KLHL24: variants seen among roughly 807,000 people sequenced by gnomAD.
KLHL24 encodes kelch like family member 24.
Under a neutral mutation model 53.4 loss-of-function variants are expected in KLHL24, and 29 were observed. That is an observed-to-expected ratio of 0.54 (90% CI 0.40 to 0.74). The LOEUF (loss-of-function observed/expected upper bound fraction) is 0.74. Among genes scored for constraint, KLHL24 ranks in the 30% least tolerant of loss-of-function variants. The probability of loss-of-function intolerance (pLI) is 0.00; values close to 1 mark genes in which losing one functional copy is unlikely to be tolerated. For synonymous variants in KLHL24, 222 were observed against 253.7 expected, an observed-to-expected ratio of 0.88 and a Z score of 1.19; for missense variants, 504 against 744.0, an observed-to-expected ratio of 0.68 and a Z score of 3.75.
chr3:183,656,037 CTTTTTTTTT>C (rs760140064), intron 3 of KLHL24, among the ~76,000 whole-genome samples: 7 of 90,886 alleles, frequency 7.7e-5, no homozygotes, highest in East Asian at 7.9e-4. Flanking sequence ...CCCTTAGCAT[CTTTTTTTTT>C]TTTTTTTTTT....
intron 1 of KLHL24, among the ~76,000 whole-genome samples, chr3:183,638,323 G>A (rs1454632437): frequency 6.6e-6 from 1 of 152,152 alleles, no homozygotes; most frequent in Non-Finnish European, 1.5e-5. Flanking sequence ...CCAAGTTGTT[G>A]AACCTTAATG....
At chr3:183,653,396 G>A (rs1718402488) in intron 3 of KLHL24, among the ~76,000 whole-genome samples, 1 of 152,120 alleles carries the variant, frequency 6.6e-6, no homozygotes, top group Non-Finnish European at 1.5e-5. Flanking sequence ...TTATTTAGGT[G>A]GCCACCAACT....
chr3:183,672,527 G>A (rs772315203), intron 7 of KLHL24, 43 bp downstream of exon 7: 2 of 1,346,356 alleles, frequency 1.5e-6, no homozygotes, highest in South Asian at 1.4e-5. Context: ...AATCTAAGAG[G>A]GACCAAGTAC....
In KLHL24 at chr3:183,635,693, C is replaced by G. The variant is rs969585127; in HGVS notation, c.-225C>G. On this transcript the variant is annotated 5_prime_UTR_variant, in exon 1 of 8. Coordinates refer to ENST00000242810, the MANE Select transcript of KLHL24 (RefSeq NM_017644.3). ...CTGGAGAGTGCGCTGCGCCGCCCGC[C>G]GCTGAGGGACCGCGGGGTTAGCCAC... is the stretch of plus-strand genomic sequence containing the variant. The G allele has an allele frequency of 1.1e-4, 17 of 152,910 alleles. No individual in the cohort carries two copies. Among genetic ancestry groups the G allele is most frequent in the African/African-American group, 4.1e-4 (17 of 41,552 alleles). The allele number at this position is 152,910 out of a possible 1,614,324, so 9.5% of individuals were successfully genotyped here.
At chr3:183,670,238 C>T (rs1412958001) in intron 5 of KLHL24, among the ~76,000 whole-genome samples, 1 of 152,040 alleles carries the variant, frequency 6.6e-6, no homozygotes, top group Non-Finnish European at 1.5e-5. Context: ...GCACTCCAGC[C>T]TGAGCAACAG....
chr3:183,645,486 A>T (rs1717096897), intron 2 of KLHL24, among the ~76,000 whole-genome samples: 1 of 152,254 alleles, frequency 6.6e-6, no homozygotes, highest in Non-Finnish European at 1.5e-5. Context: ...AGACATCCAC[A>T]CAAATATATG....
intron 7 of KLHL24, chr3:183,672,735 C>G (rs920523308): frequency 1.5e-5 from 3 of 203,486 alleles, no homozygotes; most frequent in Non-Finnish European, 3.0e-5. Flanking sequence ...TGGTTCATGC[C>G]TGTAATCCCA....
chr3:183,645,423 AT>A (rs1717079316), intron 2 of KLHL24, among the ~76,000 whole-genome samples: 2 of 152,220 alleles, frequency 1.3e-5, no homozygotes, highest in Non-Finnish European at 2.9e-5. Flanking sequence ...AAGTCATTCT[AT>A]GCATTGTAAA....
chr3:183,654,140 T>A (rs1308042083), intron 3 of KLHL24, among the ~76,000 whole-genome samples: 2 of 152,196 alleles, frequency 1.3e-5, no homozygotes, highest in Admixed American at 6.5e-5. Context: ...TCGGTCTTTA[T>A]CCAGCTTGAG....
At chr3:183,668,534 A>G (rs1720888680) in intron 5 of KLHL24, among the ~76,000 whole-genome samples, 2 of 152,214 alleles carry the variant, frequency 1.3e-5, no homozygotes. Flanking sequence ...GAAACCTGGG[A>G]TGGTTTAGAA....
intron 2 of KLHL24, chr3:183,643,985 C>T (rs1328799966): frequency 6.7e-6 from 1 of 149,156 alleles, no homozygotes; most frequent in Non-Finnish European, 1.5e-5. Context: ...CAATCTTGAA[C>T]CTATATTAGT....
chr3:183,639,416 G>A (rs1715940539), intron 1 of KLHL24, among the ~76,000 whole-genome samples: 1 of 151,870 alleles, frequency 6.6e-6, no homozygotes, highest in South Asian at 2.1e-4. Flanking sequence ...AGATCACAAG[G>A]TCAGGAGATC....
intron 5 of KLHL24, among the ~76,000 whole-genome samples, chr3:183,668,847 G>C (rs1576963061): frequency 6.6e-6 from 1 of 152,192 alleles, no homozygotes; most frequent in East Asian, 1.9e-4. Flanking sequence ...AGAGGCTGCA[G>C]TGAGCTGCCT....
At chr3:183,658,459 TAATC>T (rs1180896320) in intron 3 of KLHL24, among the ~76,000 whole-genome samples, 1 of 152,214 alleles carries the variant, frequency 6.6e-6, no homozygotes, top group Non-Finnish European at 1.5e-5. Flanking sequence ...TTATTTTATT[TAATC>T]AATCTCTTTA....
rs1233865486 is a variant in KLHL24, at chr3:183,663,759, T to G, written c.1105+117T>G. On this transcript the variant is annotated intron_variant, in intron 4 of 7. Coordinates refer to ENST00000242810, the MANE Select transcript of KLHL24 (RefSeq NM_017644.3). This position sits in a 1 kb window ranked among gnomAD's most constrained non-coding sequence, Gnocchi z 4.9. ...AATACTCCCACTTGAGGAAGATCAG[T>G]TTACAACAAATAAAACCAAGAATGA... The G allele has an allele frequency of 1.8e-6, 1 of 567,756 alleles. No individual in the cohort carries two copies. The highest frequency in any genetic ancestry group is 2.8e-6 in the Non-Finnish European group (1 of 356,652). The allele number at this position is 567,756 out of a possible 1,614,324, so 35.2% of individuals were successfully genotyped here. A position where few individuals can be genotyped will look rare whatever the true frequency, so the allele number is the denominator to read the frequency against.
chr3:183,650,393 G>C lies in KLHL24; in HGVS notation c.37G>C (p.Asp13His), dbSNP rs747614231. 1 of 1,614,050 alleles carries C rather than the reference G, an allele frequency of 6.2e-7. No homozygotes were observed. Among genetic ancestry groups the C allele is most frequent in the South Asian group, 1.1e-5 (1 of 91,076 alleles). Reference protein sequence around the residue: ...LILGRRLNREDLGVRDSPATK... With the variant: ...LILGRRLNREHLGVRDSPATK... ...ATTGGGACGCAGACTAAACAGAGAG[G>C]ATCTTGGGGTGCGTGATTCCCCAGC... Residue 13 changes from aspartate (D) to histidine (H), a missense_variant, in exon 3 of 8, where the codon GAT becomes CAT. Transcript: ENST00000242810. This position sits in a 1 kb window ranked among gnomAD's most constrained non-coding sequence, Gnocchi z 4.5.
At chr3:183,635,934 C>T (rs1715045965) in intron 1 of KLHL24, 141 bp downstream of exon 1, 1 of 152,376 alleles carries the variant, frequency 6.6e-6, no homozygotes, top group Non-Finnish European at 1.5e-5. Context: ...GCTACAGGGC[C>T]CCTTTCTGAG....
chr3:183,647,495 G>A (rs577913678), intron 2 of KLHL24, among the ~76,000 whole-genome samples: 1 of 151,016 alleles, frequency 6.6e-6, no homozygotes, highest in African/African-American at 2.4e-5. Flanking sequence ...GGTGGATCAC[G>A]AGGTCAGGAG....
intron 5 of KLHL24, among the ~76,000 whole-genome samples, chr3:183,665,930 C>G (rs1483274169): frequency 2.0e-5 from 3 of 150,858 alleles, no homozygotes; most frequent in Non-Finnish European, 4.4e-5. Flanking sequence ...ATTGCCCAAG[C>G]TGGAGTACAG....
Sources: gnomAD v4.1 joint callset for allele counts (sites outside exome capture counted in the v4.1 genomes callset) on GRCh38, gnomAD v4.1.1 for gene constraint, Gnocchi (gnomAD v3.1) non-coding constraint, MANE v1.5 for transcripts, NCBI Gene and HGNC (gene_info 2026-07-23, HGNC 2026-07-21) for gene names.